The following PPFIA3 variants were observed in gnomAD, a reference collection of about 807,000 sequenced individuals.
PPFIA3 encodes the protein liprin-alpha-3.
PPFIA3 carries 26 observed loss-of-function variants against 145.8 expected under a neutral mutation model. The ratio of observed to expected loss-of-function variants is 0.18; its 90% CI spans 0.13 to 0.25. PPFIA3 has a LOEUF of 0.25. Among genes scored for constraint, PPFIA3 ranks in the 10% least tolerant of loss-of-function variants. The probability of loss-of-function intolerance (pLI) is 1.00; values close to 1 mark genes in which losing one functional copy is unlikely to be tolerated. For synonymous variants in PPFIA3, 645 were observed against 661.4 expected (o/e 0.98, Z 0.38); for missense variants, 1,008 against 1,587.8 (o/e 0.63, Z 6.21).
At chr19:49,132,930 G>T in intron 7 of PPFIA3, 71 bp from the exon 8 acceptor site, 1 of 1,550,576 alleles carries the variant, frequency 6.4e-7, no homozygotes. Flanking sequence ...TTGTTTCCCA[G>T]GGAACAAGGG....
In PPFIA3 at chr19:49,130,091, C is replaced by T. The variant is rs371573540; in HGVS notation, c.657+24C>T. 32 of 1,600,146 alleles carry T rather than the reference C, an allele frequency of 2.0e-5. No homozygotes were observed. Among genetic ancestry groups the T allele is most frequent in the Middle Eastern group, 1.7e-4 (1 of 6,020 alleles). ...AGGTGAGACATGGAAGTCCCCTCTC[C>T]GTGAGCTCCATTCAACTCCCTGACT... On this transcript the variant is annotated intron_variant, in intron 6 of 29. Transcript: ENST00000334186. The surrounding 1 kb of genome is among the most constrained non-coding windows in gnomAD (Gnocchi z 4.5).
At chr19:49,142,715 C>G in intron 20 of PPFIA3, 89 bp from the exon 21 acceptor site, 3 of 1,019,568 alleles carry the variant, frequency 2.9e-6, no homozygotes, top group Non-Finnish European at 4.4e-6. Flanking sequence ...CACCCCCTTG[C>G]CTTTCCCCAC....
Position 49,149,186 on chromosome 19 carries a change from C to G in PPFIA3, c.3285+18C>G. ...ATGCACAGGTGAGCTGCCGCTGGGC[C>G]CGGAGCATGCTGGGCGTCCCCACCT... On this transcript the variant is annotated intron_variant, in intron 26 of 29. Coordinates refer to ENST00000334186, the MANE Select transcript of PPFIA3 (RefSeq NM_003660.4). This position sits in a 1 kb window ranked among gnomAD's most constrained non-coding sequence, Gnocchi z 5.7. 1 of 1,613,844 alleles carries G rather than the reference C, an allele frequency of 6.2e-7. No homozygotes were observed. The highest frequency in any genetic ancestry group is 8.5e-7 in the Non-Finnish European group (1 of 1,179,868).
rs2041058858 is a variant in PPFIA3 at position 49,130,680 on chromosome 19, C to T, written c.879+81C>T. ...TCCCTCGCGCATTGCTCATGAATGG[C>T]GGAACCTCGATTCAGTCCACAGGCT... is the stretch of plus-strand genomic sequence containing the variant. On this transcript the variant is annotated intron_variant, in intron 7 of 29. Transcript: ENST00000334186. This position sits in a 1 kb window ranked among gnomAD's most constrained non-coding sequence, Gnocchi z 4.5. The T allele has an allele frequency of 4.9e-6, 6 of 1,224,014 alleles. No homozygotes were observed. Among genetic ancestry groups the T allele is most frequent in the South Asian group, 4.4e-5 (3 of 68,802 alleles). 75.8% of individuals were successfully genotyped at this position (1,224,014 alleles called of 1,614,324 possible).
rs780105427 is a variant in PPFIA3 at position 49,128,326 on chromosome 19, G to T, written c.241-41G>T. 6.2e-7 allele frequency: 1 copy of T among 1,605,036 alleles called. No homozygotes were observed. Among genetic ancestry groups the T allele is most frequent in the South Asian group, 1.1e-5 (1 of 90,918 alleles). ...CCAGTGAATGAAGGAGACAGGGAAA[G>T]GATTGAGCCGAATGTCCAGATCCTG... On this transcript the variant is annotated intron_variant, in intron 2 of 29. Coordinates refer to ENST00000334186, the MANE Select transcript of PPFIA3 (RefSeq NM_003660.4). This position sits in a 1 kb window ranked among gnomAD's most constrained non-coding sequence, Gnocchi z 4.1.
rs1038615180 is a variant in PPFIA3, at chr19:49,128,943, C to T, written c.438C>T (p.Val146=). Residue 146 remains valine, a synonymous_variant, in exon 4 of 30, where the codon GTC becomes GTT. Transcript: ENST00000334186. This position sits in a 1 kb window ranked among gnomAD's most constrained non-coding sequence, Gnocchi z 4.1. ...VKRQAQSPGG[V]SSEVEVLKAL... is the part of the protein sequence containing the mutation. ...GCCAGGCCCAGTCCCCGGGTGGGGTCTCCTCGGAGGTAGAAGTGCTCAAAG... is the reference window on the plus strand; with the variant it reads ...GCCAGGCCCAGTCCCCGGGTGGGGTTTCCTCGGAGGTAGAAGTGCTCAAAG... 1 of 1,614,052 alleles carries T rather than the reference C, an allele frequency of 6.2e-7. No individual in the cohort carries two copies. Among genetic ancestry groups the T allele is most frequent in the Non-Finnish European group, 8.5e-7 (1 of 1,179,970 alleles).
At chr19:49,146,504 T>G (rs1284430826) in intron 23 of PPFIA3, 9 of 437,350 alleles carry the variant, frequency 2.1e-5, no homozygotes, top group East Asian at 1.3e-4. Flanking sequence ...GGTGTCCCTA[T>G]AGTGGAGGGG....
Position 49,148,266 on chromosome 19 carries a change from C to T in PPFIA3, c.3011+8C>T. 1 of 1,612,066 alleles carries T rather than the reference C, an allele frequency of 6.2e-7. No homozygotes were observed. The highest frequency in any genetic ancestry group is 8.5e-7 in the Non-Finnish European group (1 of 1,178,766). ...GGTGGACAGCTTTCACAGGTGGGGG[C>T]TGCCTGGCCAGTGGGGACAGTCCAA... On this transcript the variant is annotated splice_region_variant and intron_variant, in intron 24 of 29. Transcript: ENST00000334186.
At position 49,120,507 on chromosome 19, in the gene PPFIA3, G is replaced by T. The variant is rs1286995653; in HGVS notation, c.-16+785G>T. The stretch of plus-strand genomic sequence containing the variant: ...CCCACCCCGTTCGGGAAGCCTGTCC[G>T]TGTCTACACCTCTGCTGGCCCCAGG... On this transcript the variant is annotated intron_variant, in intron 1 of 29. Coordinates refer to ENST00000334186, the MANE Select transcript of PPFIA3 (RefSeq NM_003660.4). This position sits in a 1 kb window ranked among gnomAD's most constrained non-coding sequence, Gnocchi z 4.6. Among the ~76,000 whole-genome samples the T allele has an allele frequency of 6.6e-6, 1 of 152,026 alleles. No individual in the cohort carries two copies. Among genetic ancestry groups the T allele is most frequent in the Non-Finnish European group, 1.5e-5 (1 of 67,972 alleles).
Position 49,149,364 on chromosome 19 carries a change from G to T in PPFIA3, c.3354+39G>T, listed in dbSNP as rs751865972. ...CAGCTCAGAGGGCTCTGCTCCCAGCGGCTCCTCGAGAGGCTGAGCTGAGGG... is the reference window on the plus strand; with the variant it reads ...CAGCTCAGAGGGCTCTGCTCCCAGCTGCTCCTCGAGAGGCTGAGCTGAGGG... On this transcript the variant is annotated intron_variant, in intron 27 of 29. Transcript: ENST00000334186. This position sits in a 1 kb window ranked among gnomAD's most constrained non-coding sequence, Gnocchi z 5.7. 1 of 1,610,124 alleles carries T rather than the reference G, an allele frequency of 6.2e-7. No homozygotes were observed.
chr19:49,148,076 G>A lies in PPFIA3; in HGVS notation c.2836-7G>A. The A allele has an allele frequency of 6.2e-7, 1 of 1,608,850 alleles. No homozygotes were observed. The highest frequency in any genetic ancestry group is 8.5e-7 in the Non-Finnish European group (1 of 1,177,284). ...CTGACTCTTCCCTCACCTGCCCATG[G>A]CCCCAGATCCTGGCATATGGCGACA... On this transcript the variant is annotated splice_region_variant and splice_polypyrimidine_tract_variant and intron_variant, in intron 23 of 29. Transcript: ENST00000334186.
At chr19:49,144,361 T>A (rs2892354) in intron 21 of PPFIA3, among the ~76,000 whole-genome samples, 99,139 of 152,080 alleles carry the variant, frequency 0.65, 33,871 homozygotes, top group African/African-American at 0.84. Flanking sequence ...CTGCATTTTG[T>A]TTGTGACTTG....
At chr19:49,123,907 C>T (rs1287827774) in intron 1 of PPFIA3, among the ~76,000 whole-genome samples, 1 of 152,126 alleles carries the variant, frequency 6.6e-6, no homozygotes, top group African/African-American at 2.4e-5. Flanking sequence ...CTCCATCTGC[C>T]ACTTTGGCAT....
chr19:49,124,938 G>C (rs994599097), intron 1 of PPFIA3, among the ~76,000 whole-genome samples: 1 of 152,108 alleles, frequency 6.6e-6, no homozygotes, highest in Non-Finnish European at 1.5e-5. Context: ...GTGGCGGCAC[G>C]AGCCTGTAGT....
chr19:49,134,317 C>T (rs373076200), intron 11 of PPFIA3, 152 bp downstream of exon 11: 1 of 1,122,772 alleles, frequency 8.9e-7, no homozygotes. Context: ...GCTCTATTGC[C>T]CAGACCGCTT....
Position 49,145,239 on chromosome 19 carries a change from T to C in PPFIA3, c.2746-704T>C, listed in dbSNP as rs1206788384. 2.0e-5 allele frequency among the ~76,000 whole-genome samples: 3 copies of C among 152,176 alleles called. No homozygotes were observed. In the South Asian group the frequency reaches 6.2e-4, roughly 32 times the overall value. On this transcript the variant is annotated intron_variant, in intron 21 of 29. Coordinates refer to ENST00000334186, the MANE Select transcript of PPFIA3 (RefSeq NM_003660.4). ...CTAATTTTTGTATTTTTAGTAGAGA[T>C]GGGGTTTCTCCAGGTTGGCCAGGCT...
intron 21 of PPFIA3, among the ~76,000 whole-genome samples, chr19:49,144,932 CTTTT>C (rs1228634412): frequency 1.5e-5 from 2 of 136,422 alleles, no homozygotes; most frequent in Admixed American, 1.5e-4. Flanking sequence ...TCTTTTCTTT[CTTTT>C]TTTTTTTTTT....
In PPFIA3 at chr19:49,133,135, G is replaced by A. The variant is rs141749268; in HGVS notation, c.1014G>A (p.Ser338=). The A allele has an allele frequency of 1.6e-3, 2,528 of 1,604,048 alleles. 4 individuals carry two copies. The highest frequency in any genetic ancestry group is 2.0e-3 in the Non-Finnish European group (2,337 of 1,173,880). The part of the protein sequence containing the change: ...KLENELASKE[S]LYRQSEEKSR... ...AGAACGAGTTAGCTAGCAAGGAGTC[G>A]TTGTATCGGCAGGTGGGGGCGCGGC... The change falls in exon 8 of 30, where the codon TCG becomes TCA. Residue 338 remains serine (S), a synonymous_variant. Coordinates refer to ENST00000334186, the MANE Select transcript of PPFIA3 (RefSeq NM_003660.4). This position sits in a 1 kb window ranked among gnomAD's most constrained non-coding sequence, Gnocchi z 7.2.
Position 49,130,266 on chromosome 19 carries a change from C to T in PPFIA3, c.658-112C>T, listed in dbSNP as rs573279201. ...ACTGACCCCCGTGGACTCTGACCAG[C>T]ATGATCCTTATTGATCTTTGATCTA... On this transcript the variant is annotated intron_variant, in intron 6 of 29. Coordinates refer to ENST00000334186, the MANE Select transcript of PPFIA3 (RefSeq NM_003660.4). The surrounding 1 kb of genome is among the most constrained non-coding windows in gnomAD (Gnocchi z 4.5). 129 of 1,239,898 alleles carry T rather than the reference C, an allele frequency of 1.0e-4. 2 individuals are homozygous for T. The South Asian group carries it at 1.8e-3, about 17-fold the overall frequency. 76.8% of individuals were successfully genotyped at this position (1,239,898 alleles called of 1,614,324 possible).
Sources: allele counts gnomAD v4.1 joint callset (sites outside exome capture counted in the v4.1 genomes callset), GRCh38; gene constraint gnomAD v4.1.1; non-coding constraint Gnocchi (gnomAD v3.1); transcripts MANE v1.5; gene names NCBI Gene and HGNC (gene_info 2026-07-23, HGNC 2026-07-21).